Variants in EPHB1 observed in about 807,000 individuals in gnomAD.
EPHB1 encodes EPH receptor B1.
Under a neutral mutation model 94.4 loss-of-function variants are expected in EPHB1, and 30 were observed. That is an observed-to-expected ratio of 0.32 (90% CI 0.24 to 0.43). The LOEUF (loss-of-function observed/expected upper bound fraction) is 0.43, where lower values mean the gene tolerates loss of function less well. Among genes scored for constraint, EPHB1 ranks in the 20% least tolerant of loss-of-function variants. The pLI, the probability that EPHB1 is intolerant of heterozygous loss-of-function variation, is 1.00. For missense variants in EPHB1, 1,055 were observed against 1,308.3 expected (o/e 0.81, Z 2.99); for synonymous variants, 522 against 489.1 (o/e 1.07, Z -0.89).
chr3:135,153,044 C>A (rs146844285), intron 5 of EPHB1, among the ~76,000 whole-genome samples: 5 of 152,272 alleles, frequency 3.3e-5, no homozygotes, highest in Non-Finnish European at 7.4e-5. Context: ...CCCTGAGGGG[C>A]TGCATGTAGT....
intron 3 of EPHB1, among the ~76,000 whole-genome samples, chr3:135,098,198 T>C (rs560348097): frequency 6.6e-6 from 1 of 152,368 alleles, no homozygotes; most frequent in South Asian, 2.1e-4. Flanking sequence ...CTCTGCAAGA[T>C]TTTTAAATGT....
chr3:135,225,123 C>T (rs939191329), intron 12 of EPHB1, among the ~76,000 whole-genome samples: 1 of 152,216 alleles, frequency 6.6e-6, no homozygotes, highest in African/African-American at 2.4e-5. Context: ...TCTGTCTTCA[C>T]ACCTACTCTG....
intron 1 of EPHB1, among the ~76,000 whole-genome samples, chr3:134,869,506 C>T (rs2037453140): frequency 6.6e-6 from 1 of 152,168 alleles, no homozygotes; most frequent in Admixed American, 6.5e-5. Flanking sequence ...AGTCTATGTC[C>T]TATGCTGAAC....
At chr3:134,966,633 G>A in intron 3 of EPHB1, among the ~76,000 whole-genome samples, 1 of 152,256 alleles carries the variant, frequency 6.6e-6, no homozygotes, top group East Asian at 1.9e-4. Context: ...GCTTCCCCAG[G>A]CAGGGAGCTT....
chr3:135,169,563 T>C (rs1246628075), intron 9 of EPHB1, among the ~76,000 whole-genome samples: 2 of 152,180 alleles, frequency 1.3e-5, no homozygotes, highest in African/African-American at 4.8e-5. Flanking sequence ...CTATTACTGT[T>C]GGAGAATCAT....
At chr3:135,252,348 A>G (rs373832926) in intron 15 of EPHB1, among the ~76,000 whole-genome samples, 1 of 138,492 alleles carries the variant, frequency 7.2e-6, no homozygotes, top group East Asian at 2.2e-4. Flanking sequence ...TATATCTCCC[A>G]ATGCTATCCC....
intron 1 of EPHB1, among the ~76,000 whole-genome samples, chr3:134,843,138 A>G (rs2036807148): frequency 6.6e-6 from 1 of 151,936 alleles, no homozygotes; most frequent in African/African-American, 2.4e-5. Context: ...TTTTTTCTTC[A>G]TTTTTATAGG....
intron 12 of EPHB1, among the ~76,000 whole-genome samples, chr3:135,215,468 G>A (rs1026866962): frequency 6.6e-6 from 1 of 151,990 alleles, no homozygotes; most frequent in African/African-American, 2.4e-5. Context: ...CGGCCCAGAT[G>A]TACATTTTAA....
chr3:135,218,901 C>A (rs148369449), intron 12 of EPHB1, among the ~76,000 whole-genome samples: 1 of 152,162 alleles, frequency 6.6e-6, no homozygotes, highest in African/African-American at 2.4e-5. Flanking sequence ...AGCCCAAGGA[C>A]GAAAAGGGGT....
chr3:135,142,676 A>T (rs1438929627), intron 5 of EPHB1, among the ~76,000 whole-genome samples: 2 of 152,200 alleles, frequency 1.3e-5, no homozygotes, highest in Admixed American at 6.5e-5. Flanking sequence ...GAGTGACTTT[A>T]GGCAAAGCAG....
intron 5 of EPHB1, among the ~76,000 whole-genome samples, chr3:135,147,442 G>A (rs1368669902): frequency 2.0e-5 from 3 of 152,176 alleles, no homozygotes; most frequent in East Asian, 1.9e-4. Flanking sequence ...CGTTTATAGA[G>A]GCATTATTCT....
chr3:135,106,688 A>T lies in EPHB1; in HGVS notation c.961+85A>T, dbSNP rs572862116. 1.3e-5 allele frequency: 20 copies of T among 1,532,836 alleles called. 1 individual carries two copies. The South Asian group carries it at 2.2e-4, about 17-fold the overall frequency. The allele number at this position is 1,532,836 out of a possible 1,614,324, so 95.0% of individuals were successfully genotyped here. A position where few individuals can be genotyped will look rare whatever the true frequency, so the allele number is the denominator to read the frequency against. On this transcript the variant is annotated intron_variant, in intron 4 of 15. Coordinates refer to ENST00000398015, the MANE Select transcript of EPHB1 (RefSeq NM_004441.5). ...GGGTCTGGGGCAAGGAAGAGAAGACATCATCCTTTGATCCCAGGGCAAAGC... is the reference window on the plus strand; with the variant it reads ...GGGTCTGGGGCAAGGAAGAGAAGACTTCATCCTTTGATCCCAGGGCAAAGC...
chr3:135,242,676 C>T (rs1943814635), intron 13 of EPHB1, among the ~76,000 whole-genome samples: 1 of 152,178 alleles, frequency 6.6e-6, no homozygotes, highest in African/African-American at 2.4e-5. Flanking sequence ...TCCTGAAGCA[C>T]ATCAAATCAG....
intron 6 of EPHB1, among the ~76,000 whole-genome samples, chr3:135,157,493 A>C (rs1364570597): frequency 6.6e-6 from 1 of 152,236 alleles, no homozygotes; most frequent in Non-Finnish European, 1.5e-5. Flanking sequence ...CCTGCTTCTT[A>C]GTAATTTGTA....
chr3:135,020,320 G>T (rs1935944636), intron 3 of EPHB1, among the ~76,000 whole-genome samples: 3 of 152,088 alleles, frequency 2.0e-5, no homozygotes, highest in Admixed American at 6.5e-5. Context: ...CAATTCAGTG[G>T]TTTTTAGTGT....
intron 1 of EPHB1, among the ~76,000 whole-genome samples, chr3:134,872,189 G>A (rs1158132964): frequency 1.3e-5 from 2 of 152,330 alleles, no homozygotes; most frequent in South Asian, 4.1e-4. Flanking sequence ...GACAAGGGAT[G>A]CCTGTGTTCC....
intron 1 of EPHB1, among the ~76,000 whole-genome samples, chr3:134,842,695 T>C (rs1355280505): frequency 6.6e-6 from 1 of 152,188 alleles, no homozygotes; most frequent in Non-Finnish European, 1.5e-5. Context: ...TTCAAACATG[T>C]CTTTCCCATC....
intron 13 of EPHB1, among the ~76,000 whole-genome samples, chr3:135,247,305 T>C (rs2107730664): frequency 6.6e-6 from 1 of 152,348 alleles, no homozygotes; most frequent in African/African-American, 2.4e-5. Context: ...GATTATACTA[T>C]TTCTGAAGTT....
At chr3:135,208,836 G>C (rs1942965438) in intron 12 of EPHB1, among the ~76,000 whole-genome samples, 1 of 152,158 alleles carries the variant, frequency 6.6e-6, no homozygotes, top group African/African-American at 2.4e-5. Flanking sequence ...AGTACAGCTG[G>C]CTCTCAGATC....
Sources: allele counts gnomAD v4.1 joint callset (sites outside exome capture counted in the v4.1 genomes callset), GRCh38; gene constraint gnomAD v4.1.1; transcripts MANE v1.5; gene names NCBI Gene and HGNC (gene_info 2026-07-23, HGNC 2026-07-21).